RASEF: variants seen among roughly 807,000 people sequenced by gnomAD.
RASEF encodes the protein ras and EF-hand domain-containing protein.
A neutral mutation model predicts 90.1 loss-of-function variants in RASEF; 68 were observed. That is an observed-to-expected ratio of 0.75 (90% CI 0.62 to 0.92). The LOEUF is 0.92. RASEF is among the 40% of genes least tolerant of loss of function. RASEF has a pLI of 0.00. For synonymous variants in RASEF, 331 were observed against 345.2 expected (o/e 0.96, Z 0.46); for missense variants, 949 against 937.2 (o/e 1.01, Z -0.16).
upstream of RASEF, among the ~76,000 whole-genome samples, chr9:83,067,142 A>G (rs915050497): frequency 2.0e-5 from 3 of 152,218 alleles, no homozygotes; most frequent in Non-Finnish European, 4.4e-5. Flanking sequence ...TGCTTCTCAG[A>G]GCATGACTTA....
intron 12 of RASEF, 77 bp from the exon 13 acceptor site, chr9:82,998,523 G>T (rs1828964213): frequency 2.1e-6 from 2 of 932,766 alleles, no homozygotes; most frequent in South Asian, 1.3e-5. Context: ...TTCTTTAGAT[G>T]AAGCAAAAGC....
chr9:83,178,999 C>T, the RASEF span, among the ~76,000 whole-genome samples: 7 of 152,156 alleles, frequency 4.6e-5, no homozygotes, highest in African/African-American at 1.7e-4. Context: ...TGCATTAGCA[C>T]CAGCATTGTC....
intron 7 of RASEF, among the ~76,000 whole-genome samples, chr9:83,006,193 CCTT>C (rs1829127436): frequency 6.6e-6 from 1 of 152,208 alleles, no homozygotes; most frequent in Non-Finnish European, 1.5e-5. Context: ...ACTTCCTTGA[CCTT>C]CTTTGATAGG....
intron 1 of RASEF, among the ~76,000 whole-genome samples, chr9:83,027,377 T>C (rs1829566866): frequency 6.6e-6 from 1 of 152,174 alleles, no homozygotes; most frequent in Non-Finnish European, 1.5e-5. Flanking sequence ...CACGTCAGTC[T>C]TTCTTAATCT....
At chr9:83,071,980 C>T in the RASEF span, among the ~76,000 whole-genome samples, 2 of 152,190 alleles carry the variant, frequency 1.3e-5, no homozygotes, top group Non-Finnish European at 2.9e-5. Flanking sequence ...CCAACCCAGA[C>T]TCAAGGGGAA....
chr9:83,069,665 T>G, the RASEF span, among the ~76,000 whole-genome samples: 1 of 152,214 alleles, frequency 6.6e-6, no homozygotes, highest in African/African-American at 2.4e-5. Flanking sequence ...ACGTTTTATT[T>G]TCTCTTGAGG....
upstream of RASEF, among the ~76,000 whole-genome samples, chr9:83,067,527 A>C (rs1268686744): frequency 6.6e-6 from 1 of 152,260 alleles, no homozygotes; most frequent in Non-Finnish European, 1.5e-5. Context: ...ATGAAGCATT[A>C]GAGACCCAGC....
chr9:83,089,904 A>AGATGATT, the RASEF span, among the ~76,000 whole-genome samples: 1 of 138,328 alleles, frequency 7.2e-6, no homozygotes, highest in Non-Finnish European at 1.6e-5. Context: ...ATAGATAGAT[A>AGATGATT]GATAGATAGA....
At chr9:83,007,379 T>A in intron 7 of RASEF, 58 bp downstream of exon 7, 1 of 1,362,028 alleles carries the variant, frequency 7.3e-7, no homozygotes, top group Non-Finnish European at 1.1e-6. Context: ...TTATGTCTTT[T>A]ATTAACTAAA....
At chr9:83,178,302 T>C in the RASEF span, among the ~76,000 whole-genome samples, 1 of 152,320 alleles carries the variant, frequency 6.6e-6, no homozygotes, top group East Asian at 1.9e-4. Flanking sequence ...TGACAAATCT[T>C]GTAGATAGTT....
At chr9:83,008,891 C>CTTATATATATATAT (rs57817845) in intron 6 of RASEF, among the ~76,000 whole-genome samples, 1 of 19,564 alleles carries the variant, frequency 5.1e-5, no homozygotes, top group Non-Finnish European at 1.2e-4. Context: ...AAGTTCTCAT[C>CTTATATATATATAT]ATATATATAT....
At chr9:83,002,481 T>C (rs1310319059) in intron 9 of RASEF, among the ~76,000 whole-genome samples, 1 of 151,206 alleles carries the variant, frequency 6.6e-6, no homozygotes, top group Non-Finnish European at 1.5e-5. Flanking sequence ...TTAATAACAA[T>C]AACAATAAAA....
intron 1 of RASEF, among the ~76,000 whole-genome samples, chr9:83,032,064 T>C (rs1478059456): frequency 6.6e-6 from 1 of 152,204 alleles, no homozygotes; most frequent in Non-Finnish European, 1.5e-5. Flanking sequence ...ATTTATATTC[T>C]GTGCCTCTCC....
At chr9:83,200,529 G>A in the RASEF span, among the ~76,000 whole-genome samples, 121,251 of 152,138 alleles carry the variant, frequency 0.8, 48,859 homozygotes, top group East Asian at 0.96. Context: ...TTTTTTATTC[G>A]TTTACCATCT....
At chr9:83,108,003 T>C in the RASEF span, among the ~76,000 whole-genome samples, 1 of 152,298 alleles carries the variant, frequency 6.6e-6, no homozygotes, top group African/African-American at 2.4e-5. Context: ...TAATCCCATT[T>C]AAATCAAGTT....
At chr9:83,185,978 G>A in the RASEF span, among the ~76,000 whole-genome samples, 2 of 145,984 alleles carry the variant, frequency 1.4e-5, no homozygotes, top group Non-Finnish European at 3.0e-5. Context: ...GGCGGGGGGG[G>A]CAAGGGGGGT....
intron 3 of RASEF, among the ~76,000 whole-genome samples, chr9:83,021,366 C>A (rs1179436429): frequency 6.6e-6 from 1 of 152,170 alleles, no homozygotes; most frequent in East Asian, 1.9e-4. Context: ...CATTATTTTG[C>A]TGCCACTCAG....
chr9:83,030,952 C>T (rs1829634954), intron 1 of RASEF, among the ~76,000 whole-genome samples: 1 of 152,018 alleles, frequency 6.6e-6, no homozygotes, highest in African/African-American at 2.4e-5. Flanking sequence ...CCACTTTCTC[C>T]CTCATCCTCA....
the RASEF span, among the ~76,000 whole-genome samples, chr9:83,218,466 A>T: frequency 1.1e-4 from 17 of 152,052 alleles, no homozygotes; most frequent in African/African-American, 3.9e-4. Flanking sequence ...ATGTGAGGTC[A>T]TCCAGGGTCC....
Sources: gnomAD v4.1 joint callset for allele counts (sites outside exome capture counted in the v4.1 genomes callset) on GRCh38, gnomAD v4.1.1 for gene constraint, MANE v1.5 for transcripts, NCBI Gene and HGNC (gene_info 2026-07-23, HGNC 2026-07-21) for gene names.